The following TEX14 variants were observed in gnomAD, a reference collection of about 807,000 sequenced individuals.
TEX14 encodes the protein inactive serine/threonine-protein kinase TEX14.
Under a neutral mutation model 178.6 loss-of-function variants are expected in TEX14, and 168 were observed. That is an observed-to-expected ratio of 0.94 (90% CI 0.83 to 1.07). The LOEUF is 1.07. Among genes scored for constraint, TEX14 ranks in the 50% least tolerant of loss-of-function variants. TEX14 has a pLI of 0.00. For synonymous variants in TEX14, 626 were observed against 634.1 expected, an observed-to-expected ratio of 0.99 and a Z score of 0.19; for missense variants, 1,730 against 1,753.6, an observed-to-expected ratio of 0.99 and a Z score of 0.24.
chr17:58,615,205 A>C, intron 8 of TEX14, 27 bp downstream of exon 8: 1 of 1,415,562 alleles, frequency 7.1e-7, no homozygotes, highest in Non-Finnish European at 1.0e-6. Context: ...ACCTGGACCT[A>C]TAAGGGGCCT....
At chr17:58,679,582 A>C (rs560614700) in intron 1 of TEX14, 6 of 152,372 alleles carry the variant, frequency 3.9e-5, no homozygotes, top group African/African-American at 1.2e-4. Flanking sequence ...TAAGTTTCCC[A>C]CATTTGTAGA....
intron 10 of TEX14, among the ~76,000 whole-genome samples, chr17:58,605,542 A>T (rs891469639): frequency 6.6e-6 from 1 of 152,098 alleles, no homozygotes; most frequent in African/African-American, 2.4e-5. Flanking sequence ...AATACCTGCA[A>T]TTCCTTACTA....
At chr17:58,585,654 T>A (rs1402197124) in intron 18 of TEX14, 147 bp downstream of exon 18, 8 of 281,282 alleles carry the variant, frequency 2.8e-5, no homozygotes, top group South Asian at 1.6e-4. Context: ...CCAGGTTTCA[T>A]CATGTTGACC....
intron 5 of TEX14, among the ~76,000 whole-genome samples, chr17:58,619,938 C>CA (rs2045959990): frequency 6.6e-6 from 1 of 151,976 alleles, no homozygotes. Context: ...AGCTCATCCA[C>CA]ATTTACACTT....
rs1352745962 is a variant in TEX14, at chr17:58,611,292, C to A, written c.1053G>T (p.Leu351=). 3 of 1,613,394 alleles carry A rather than the reference C, an allele frequency of 1.9e-6. No individual in the cohort carries two copies. In the Admixed American group the frequency reaches 5.0e-5, roughly 27 times the overall value. Residue 351 remains leucine (L), a synonymous_variant, in exon 10 of 32, where the codon CTG becomes CTT. Transcript: ENST00000349033. ...VLHMEVIVHL[L]LQISDALRYL... ...ATCTCAGGGCATCAGATATCTGGAG[C>A]AGCAGGTGCACAATCACCTCCATGT... is the stretch of plus-strand genomic sequence containing the variant.
intron 28 of TEX14, among the ~76,000 whole-genome samples, chr17:58,562,512 CTT>C (rs534008645): frequency 2.1e-5 from 3 of 145,100 alleles, no homozygotes; most frequent in Non-Finnish European, 3.0e-5. Flanking sequence ...GCTTAATTTT[CTT>C]TTTTTTTTTT....
At chr17:58,614,368 T>C (rs944648204) in intron 8 of TEX14, among the ~76,000 whole-genome samples, 2 of 152,174 alleles carry the variant, frequency 1.3e-5, no homozygotes, top group Non-Finnish European at 2.9e-5. Context: ...CGCACGCCAG[T>C]AGTCCCAGCT....
At chr17:58,687,169 C>A (rs530217966) in intron 1 of TEX14, among the ~76,000 whole-genome samples, 1 of 152,224 alleles carries the variant, frequency 6.6e-6, no homozygotes, top group South Asian at 2.1e-4. Flanking sequence ...AGAAGATTTG[C>A]TGGAGGCAAT....
At chr17:58,686,566 C>A (rs1250907821) in intron 1 of TEX14, among the ~76,000 whole-genome samples, 1 of 152,058 alleles carries the variant, frequency 6.6e-6, no homozygotes, top group African/African-American at 2.4e-5. Context: ...GGAGGATGTG[C>A]TTGCAAAGCA....
chr17:58,624,402 G>A (rs558708491), intron 3 of TEX14, among the ~76,000 whole-genome samples: 6 of 144,538 alleles, frequency 4.2e-5, no homozygotes, highest in African/African-American at 1.3e-4. Flanking sequence ...GTGCAATGGT[G>A]TGATCTCGGC....
At chr17:58,633,543 G>A (rs1301089500) in intron 2 of TEX14, among the ~76,000 whole-genome samples, 1 of 152,202 alleles carries the variant, frequency 6.6e-6, no homozygotes, top group African/African-American at 2.4e-5. Context: ...CTTGAGGTAA[G>A]CTAGGGCTGG....
At position 58,613,505 on chromosome 17, in the gene TEX14, C is replaced by T; in HGVS notation, c.921G>A (p.Val307=). The T allele has an allele frequency of 6.2e-7, 1 of 1,614,114 alleles. No homozygotes were observed. The highest frequency in any genetic ancestry group is 1.3e-5 in the African/African-American group (1 of 75,034). The change falls in exon 9 of 32, where the codon GTG becomes GTA. Residue 307 remains valine (V), a synonymous_variant. Coordinates refer to ENST00000349033, the MANE Select transcript of TEX14 (RefSeq NM_031272.5). ...TTTTCTCTAGGTCCTGGGAGAGACA[C>T]ACAGCCATCAACTGTAGCAAGTAGG... ...RHPYLLQLMA[V]CLSQDLEKTR...
At chr17:58,645,354 G>A (rs888705041) in intron 2 of TEX14, among the ~76,000 whole-genome samples, 1 of 149,848 alleles carries the variant, frequency 6.7e-6, no homozygotes, top group Admixed American at 6.7e-5. Flanking sequence ...GATATATTAT[G>A]GCTTCTATAA....
chr17:58,617,813 C>T (rs1156895635), intron 5 of TEX14, among the ~76,000 whole-genome samples, 194 bp from the exon 6 acceptor site: 1 of 152,188 alleles, frequency 6.6e-6, no homozygotes, highest in Non-Finnish European at 1.5e-5. Context: ...GTATGCATAA[C>T]CTTGTGTAGC....
At chr17:58,691,036 G>T (rs927048768) in intron 1 of TEX14, among the ~76,000 whole-genome samples, 2 of 151,910 alleles carry the variant, frequency 1.3e-5, no homozygotes, top group Non-Finnish European at 2.9e-5. Flanking sequence ...TGTACTTTTG[G>T]TACAGACAGT....
At chr17:58,565,036 AGAGTGC>A in intron 27 of TEX14, 68 bp from the exon 28 acceptor site, 1 of 1,032,398 alleles carries the variant, frequency 9.7e-7, no homozygotes, top group Non-Finnish European at 1.5e-6. Context: ...GCCTTAAAAT[AGAGTGC>A]AAAAATTAAG....
intron 2 of TEX14, among the ~76,000 whole-genome samples, chr17:58,651,386 T>G (rs1248744132): frequency 6.6e-6 from 1 of 152,120 alleles, no homozygotes; most frequent in South Asian, 2.1e-4. Context: ...TCACATGACA[T>G]GTTTGTTGGT....
At chr17:58,647,155 C>T (rs1302331192) in intron 2 of TEX14, among the ~76,000 whole-genome samples, 1 of 151,998 alleles carries the variant, frequency 6.6e-6, no homozygotes, top group Non-Finnish European at 1.5e-5. Context: ...CCACCTCTGC[C>T]TCCCAAAGTG....
chr17:58,664,050 C>CA (rs963145458), intron 1 of TEX14, among the ~76,000 whole-genome samples: 59 of 152,096 alleles, frequency 3.9e-4, no homozygotes, highest in African/African-American at 1.2e-3. Context: ...CCAGCAACAA[C>CA]AAAAAAACAA....
Sources: gnomAD v4.1 joint callset for allele counts (sites outside exome capture counted in the v4.1 genomes callset) on GRCh38, gnomAD v4.1.1 for gene constraint, MANE v1.5 for transcripts, NCBI Gene and HGNC (gene_info 2026-07-23, HGNC 2026-07-21) for gene names.